The following CRIM1 variants were observed in gnomAD, a reference collection of about 807,000 sequenced individuals.
CRIM1 encodes cysteine rich transmembrane BMP regulator 1, also known as cysteine-rich motor neuron 1 protein.
CRIM1 carries 32 observed loss-of-function variants against 116.4 expected under a neutral mutation model. The observed-to-expected ratio is 0.27, with a 90% CI of 0.21 to 0.37. The LOEUF is 0.37. CRIM1 is among the 10% of genes least tolerant of loss of function. The pLI is 1.00. For synonymous variants in CRIM1, 590 were observed against 509.2 expected, an observed-to-expected ratio of 1.16 and a Z score of -2.13; for missense variants, 1,331 against 1,354.8, an observed-to-expected ratio of 0.98 and a Z score of 0.28.
intron 15 of CRIM1, among the ~76,000 whole-genome samples, chr2:36,544,771 T>A (rs928129988): frequency 1.3e-5 from 2 of 152,240 alleles, no homozygotes; most frequent in African/African-American, 4.8e-5. Context: ...AATATGTTCC[T>A]AGTCATAAGA....
In CRIM1 at chr2:36,436,389, A is replaced by C. The variant is rs141808115; in HGVS notation, c.506-4869A>C. On this transcript the variant is annotated intron_variant, in intron 2 of 16. Transcript: ENST00000280527. ...GTTAATTACAAAATAAGAAAGATGGAGACTTTTGAAATCTAAATTATTTGA... is the reference window on the plus strand; with the variant it reads ...GTTAATTACAAAATAAGAAAGATGGCGACTTTTGAAATCTAAATTATTTGA... 2.4e-3 allele frequency among the ~76,000 whole-genome samples: 372 copies of C among 152,318 alleles called. 3 individuals are homozygous for C. The highest frequency in any genetic ancestry group is 0.016 in the South Asian group (77 of 4,820).
At chr2:36,510,598 C>A (rs1664599315) in intron 9 of CRIM1, among the ~76,000 whole-genome samples, 1 of 152,180 alleles carries the variant, frequency 6.6e-6, no homozygotes, top group Non-Finnish European at 1.5e-5. Flanking sequence ...AGGTGTCTCA[C>A]CTTGGAACTA....
At chr2:36,378,252 A>G (rs1438608684) in intron 1 of CRIM1, 1 of 468,054 alleles carries the variant, frequency 2.1e-6, no homozygotes, top group Non-Finnish European at 4.4e-6. Flanking sequence ...TGAGTAATTG[A>G]TGGGATATTT....
chr2:36,504,595 C>T (rs1258593732), intron 8 of CRIM1, among the ~76,000 whole-genome samples: 1 of 152,030 alleles, frequency 6.6e-6, no homozygotes, highest in Non-Finnish European at 1.5e-5. Flanking sequence ...TTACATTATC[C>T]CTGACTCAGT....
intron 7 of CRIM1, among the ~76,000 whole-genome samples, chr2:36,481,237 A>G (rs938660533): frequency 1.3e-5 from 2 of 152,240 alleles, no homozygotes; most frequent in Admixed American, 1.3e-4. Context: ...ATTTATCAGC[A>G]TATCCATCAT....
chr2:36,547,147 T>G lies in CRIM1; in HGVS notation c.2910T>G (p.Leu970=). The stretch of plus-strand genomic sequence containing the variant: ...AGAAGAAACAGTGGATACCACTGCT[T>G]TGCTGGTATCGAACACCAACTAAGG... ...INQKKQWIPL[L]CWYRTPTKPS... The change falls in exon 16 of 17, where the codon CTT becomes CTG. Residue 970 remains leucine, a synonymous_variant. Transcript: ENST00000280527. 6.2e-7 allele frequency: 1 copy of G among 1,612,608 alleles called. No individual in the cohort carries two copies. Among genetic ancestry groups the G allele is most frequent in the Non-Finnish European group, 8.5e-7 (1 of 1,179,136 alleles).
intron 15 of CRIM1, among the ~76,000 whole-genome samples, chr2:36,545,479 A>G (rs1667258026): frequency 6.6e-6 from 1 of 152,188 alleles, no homozygotes; most frequent in South Asian, 2.1e-4. Context: ...TGTGCATTGC[A>G]TAGTATCTAT....
intron 13 of CRIM1, among the ~76,000 whole-genome samples, chr2:36,536,939 G>A (rs1206285502): frequency 6.6e-6 from 1 of 152,168 alleles, no homozygotes; most frequent in Admixed American, 6.5e-5. Flanking sequence ...AAGGGTTGCA[G>A]AGGAAACCTG....
chr2:36,479,196 C>G (rs768136466), intron 6 of CRIM1, among the ~76,000 whole-genome samples: 1 of 152,212 alleles, frequency 6.6e-6, no homozygotes, highest in South Asian at 2.1e-4. Flanking sequence ...AATTACCAAC[C>G]CACAGCTCTT....
At chr2:36,459,303 A>G (rs1451372321) in intron 4 of CRIM1, among the ~76,000 whole-genome samples, 1 of 152,192 alleles carries the variant, frequency 6.6e-6, no homozygotes, top group African/African-American at 2.4e-5. Context: ...AACACATTCC[A>G]TAGTCTTTCC....
chr2:36,485,017 A>C (rs1179984794), intron 7 of CRIM1, among the ~76,000 whole-genome samples: 2 of 152,244 alleles, frequency 1.3e-5, no homozygotes, highest in African/African-American at 4.8e-5. Context: ...CATAGTATTC[A>C]GTATTTTTTA....
At chr2:36,416,347 T>C (rs138372325) in intron 2 of CRIM1, among the ~76,000 whole-genome samples, 1,795 of 152,276 alleles carry the variant, frequency 0.012, 12 homozygotes, top group Non-Finnish European at 0.017. Flanking sequence ...CATGATATGC[T>C]AAAAGAATGG....
intron 7 of CRIM1, among the ~76,000 whole-genome samples, chr2:36,483,960 G>A (rs1679620358): frequency 6.6e-6 from 1 of 152,002 alleles, no homozygotes; most frequent in African/African-American, 2.4e-5. Context: ...GAGAACATAA[G>A]TAAGAGTGTT....
Position 36,549,024 on chromosome 2 carries a change from T to A in CRIM1, c.*323T>A, listed in dbSNP as rs1295467201. ...TGGGGAAATGGGTGGGAGGGTGGTG[T>A]TGGGAAGAAAAATTGGTCAGCTTGG... On this transcript the variant is annotated 3_prime_UTR_variant, in exon 17 of 17. Coordinates refer to ENST00000280527, the MANE Select transcript of CRIM1 (RefSeq NM_016441.3). 1.7e-5 allele frequency: 3 copies of A among 173,752 alleles called. No homozygotes were observed. In the East Asian group the frequency reaches 4.6e-4, roughly 26 times the overall value. The allele number at this position is 173,752 out of a possible 1,614,324, so 10.8% of individuals were successfully genotyped here.
intron 1 of CRIM1, among the ~76,000 whole-genome samples, chr2:36,366,487 A>C (rs1489947579): frequency 7.2e-5 from 11 of 152,184 alleles, no homozygotes. Context: ...GAATTTGAAC[A>C]GTTTGCTATT....
intron 2 of CRIM1, among the ~76,000 whole-genome samples, chr2:36,431,239 G>C (rs1471006359): frequency 6.6e-6 from 1 of 152,096 alleles, no homozygotes; most frequent in East Asian, 1.9e-4. Context: ...CTCTGTGTGT[G>C]TGTATATGTA....
At chr2:36,423,405 C>T (rs1273370988) in intron 2 of CRIM1, among the ~76,000 whole-genome samples, 1 of 152,238 alleles carries the variant, frequency 6.6e-6, no homozygotes, top group Admixed American at 6.5e-5. Context: ...CTCTGCTCAG[C>T]TACTCAAGTA....
chr2:36,530,103 T>C (rs765024342), intron 13 of CRIM1, among the ~76,000 whole-genome samples: 9 of 152,168 alleles, frequency 5.9e-5, no homozygotes, highest in Non-Finnish European at 1.2e-4. Context: ...CAGTAAGCAT[T>C]TGTTGCATTT....
At position 36,416,907 on chromosome 2, in the gene CRIM1, G is replaced by C. The variant is rs868727650; in HGVS notation, c.505+20120G>C. On this transcript the variant is annotated intron_variant, in intron 2 of 16. Coordinates refer to ENST00000280527, the MANE Select transcript of CRIM1 (RefSeq NM_016441.3). Reference sequence around the variant, plus strand: ...CTGTCCTGGCTTCAGAGCATGACCAGCTGTGCAGCTGAAGCCATTGCCAGG... The same window carrying C: ...CTGTCCTGGCTTCAGAGCATGACCACCTGTGCAGCTGAAGCCATTGCCAGG... Among the ~76,000 whole-genome samples the C allele has an allele frequency of 2.0e-5, 3 of 152,360 alleles. No homozygotes were observed. The South Asian group carries it at 6.2e-4, about 32-fold the overall frequency.
Sources: gnomAD v4.1 joint callset for allele counts (sites outside exome capture counted in the v4.1 genomes callset) on GRCh38, gnomAD v4.1.1 for gene constraint, MANE v1.5 for transcripts, NCBI Gene and HGNC (gene_info 2026-07-23, HGNC 2026-07-21) for gene names.